The following TNN variants were observed in gnomAD, a reference collection of about 807,000 sequenced individuals.
The protein encoded by TNN is tenascin N, also known as tenascin-N.
Under a neutral mutation model 134.4 loss-of-function variants are expected in TNN, and 122 were observed. The observed-to-expected ratio is 0.91, with a 90% CI of 0.78 to 1.06. TNN has a LOEUF of 1.06. Among genes scored for constraint, TNN ranks in the 50% least tolerant of loss-of-function variants. TNN has a pLI of 0.00. For missense variants in TNN, 1,739 were observed against 1,699.4 expected, an observed-to-expected ratio of 1.02 and a Z score of -0.41; for synonymous variants, 710 against 670.3, an observed-to-expected ratio of 1.06 and a Z score of -0.91.
intron 1 of TNN, among the ~76,000 whole-genome samples, chr1:175,071,491 T>A (rs1039221600): frequency 6.6e-6 from 1 of 152,204 alleles, no homozygotes; most frequent in Non-Finnish European, 1.5e-5. Flanking sequence ...GGACTTAACC[T>A]CTATGTGAGG....
chr1:175,085,336 G>A (rs1441238714), intron 5 of TNN, 69 bp from the exon 6 acceptor site: 8 of 952,552 alleles, frequency 8.4e-6, no homozygotes, highest in Non-Finnish European at 1.3e-5. Context: ...GAAATCCCAG[G>A]GAGGAGTAGT....
At chr1:175,139,001 A>G (rs1487196093) in intron 17 of TNN, among the ~76,000 whole-genome samples, 1 of 152,216 alleles carries the variant, frequency 6.6e-6, no homozygotes, top group African/African-American at 2.4e-5. Context: ...AATATGGTAT[A>G]AAAGATAAAA....
intron 1 of TNN, among the ~76,000 whole-genome samples, chr1:175,073,589 G>A (rs1673968613): frequency 6.6e-6 from 1 of 152,202 alleles, no homozygotes; most frequent in Admixed American, 6.5e-5. Flanking sequence ...GGAACCTGCA[G>A]AGAAGCTGGA....
chr1:175,097,688 CAAAAGAGA>C lies in TNN; in HGVS notation c.1855+6_1855+13del. The C allele has an allele frequency of 6.2e-7, 1 of 1,613,458 alleles. No homozygotes were observed. Among genetic ancestry groups the C allele is most frequent in the Middle Eastern group, 1.7e-4 (1 of 6,060 alleles). Reference sequence around the variant, plus strand: ...CTGACACCAACGCCCCGACAGGTAACAAAAGAGAGATGGTCAATTGGAATTGAGTTTTA... The same window carrying C: ...CTGACACCAACGCCCCGACAGGTAACGATGGTCAATTGGAATTGAGTTTTA... On this transcript the variant is annotated splice_donor_region_variant and intron_variant, in intron 8 of 18. Coordinates refer to ENST00000239462, the MANE Select transcript of TNN (RefSeq NM_022093.2).
chr1:175,110,910 C>A (rs986596600), intron 9 of TNN, among the ~76,000 whole-genome samples: 1 of 152,102 alleles, frequency 6.6e-6, no homozygotes, highest in Non-Finnish European at 1.5e-5. Flanking sequence ...TGCAGTGGCT[C>A]ATGCCTGTAA....
chr1:175,094,064 C>A lies in TNN; in HGVS notation c.1399C>A (p.Gln467Lys). 1 of 1,614,156 alleles carries A rather than the reference C, an allele frequency of 6.2e-7. No homozygotes were observed. Reference sequence around the variant, plus strand: ...AGCAACTGTCTCCTGGGACCCAGTGCAGGCTGTCATAGACAAGTATGTAGT... The same window carrying A: ...AGCAACTGTCTCCTGGGACCCAGTGAAGGCTGTCATAGACAAGTATGTAGT... ...DTATVSWDPV[Q>K]AVIDKYVVRY... Residue 467 changes from glutamine to lysine, a missense_variant, in exon 7 of 19, where the codon CAG becomes AAG. Physicochemically the swap from Gln to Lys is moderately conservative, Grantham distance 53 (BLOSUM62 1). Coordinates refer to ENST00000239462, the MANE Select transcript of TNN (RefSeq NM_022093.2).
chr1:175,125,737 CTTTCTTTCTTTCTTTCTT>C (rs1183806146), intron 12 of TNN, among the ~76,000 whole-genome samples: 8 of 130,914 alleles, frequency 6.1e-5, no homozygotes, highest in East Asian at 2.3e-4. Flanking sequence ...TTCTTTCTTT[CTTTCTTTCTTTCTTTCTT>C]TCTCTCTCTC....
intron 1 of TNN, among the ~76,000 whole-genome samples, chr1:175,074,128 C>G (rs955870262): frequency 6.6e-6 from 1 of 152,154 alleles, no homozygotes; most frequent in African/African-American, 2.4e-5. Flanking sequence ...CTGCCACCCC[C>G]ACTAATTCAC....
At chr1:175,128,210 G>C in intron 14 of TNN, 46 bp downstream of exon 14, 7 of 1,524,380 alleles carry the variant, frequency 4.6e-6, no homozygotes, top group Non-Finnish European at 6.2e-6. Context: ...ATGAGAACCA[G>C]CACCGGAAAG....
intron 17 of TNN, among the ~76,000 whole-genome samples, chr1:175,139,531 A>G (rs1324258613): frequency 1.3e-5 from 2 of 152,202 alleles, no homozygotes; most frequent in Admixed American, 1.3e-4. Context: ...GAGCAATAGC[A>G]CACATGGAGC....
intron 6 of TNN, among the ~76,000 whole-genome samples, chr1:175,092,782 T>C (rs916094994): frequency 6.6e-6 from 1 of 152,174 alleles, no homozygotes; most frequent in Admixed American, 6.5e-5. Flanking sequence ...GGCCACTCCA[T>C]TTTGCAAATT....
chr1:175,146,929 A>C lies in TNN; in HGVS notation c.3760-2A>C. On this transcript the variant is annotated splice_acceptor_variant, in intron 18 of 18. Transcript: ENST00000239462. LOFTEE classifies it high-confidence loss of function. ...ATGTGGCTTTTTTTTTTTTTTTGGT[A>C]GGGGGTGAACTGGGAGCCTTGGAAA... The C allele has an allele frequency of 5.8e-6, 7 of 1,209,686 alleles. No homozygotes were observed. Among genetic ancestry groups the C allele is most frequent in the Admixed American group, 3.4e-5 (1 of 29,756 alleles). 74.9% of individuals were successfully genotyped at this position (1,209,686 alleles called of 1,614,324 possible). A position where few individuals can be genotyped will look rare whatever the true frequency, so the allele number is the denominator to read the frequency against.
chr1:175,095,225 C>T (rs6656523), intron 7 of TNN, among the ~76,000 whole-genome samples: 49,980 of 151,994 alleles, frequency 0.33, 8,429 homozygotes, highest in African/African-American at 0.4. Flanking sequence ...GCAGAGAAGA[C>T]ATTGACAGTA....
At chr1:175,118,473 A>C (rs999022273) in intron 10 of TNN, 88 bp from the exon 11 acceptor site, 1 of 1,496,604 alleles carries the variant, frequency 6.7e-7, no homozygotes, top group African/African-American at 1.4e-5. Flanking sequence ...CACAACATGA[A>C]AGGGTTTCAC....
At position 175,080,203 on chromosome 1, in the gene TNN, G is replaced by A. The variant is rs1674166866; in HGVS notation, c.825G>A (p.Glu275=). 6.2e-7 allele frequency: 1 copy of A among 1,614,070 alleles called. No individual in the cohort carries two copies. Among genetic ancestry groups the A allele is most frequent in the Non-Finnish European group, 8.5e-7 (1 of 1,179,998 alleles). Residue 275 remains glutamate, a synonymous_variant, in exon 4 of 19, where the codon GAG becomes GAA. Transcript: ENST00000239462. ...PQGLQLLKNT[E]DSLLVSWEPS... ...GCCTGCAGCTGCTCAAGAACACGGA[G>A]GATTCTCTGCTGGTGAGCTGGGAGC...
chr1:175,136,903 T>G lies in TNN; in HGVS notation c.3510T>G (p.Ser1170=). ...TGGATTTACAGACTGCCAATGAATC[T>G]GCCTATGCTATATATGATTTCTTCC... ...VRVDLQTANE[S]AYAIYDFFQV... The change falls in exon 17 of 19, where the codon TCT becomes TCG. Residue 1170 remains serine, a synonymous_variant. Coordinates refer to ENST00000239462, the MANE Select transcript of TNN (RefSeq NM_022093.2). 1 of 1,614,200 alleles carries G rather than the reference T, an allele frequency of 6.2e-7. No homozygotes were observed. Among genetic ancestry groups the G allele is most frequent in the Non-Finnish European group, 8.5e-7 (1 of 1,180,030 alleles).
intron 10 of TNN, among the ~76,000 whole-genome samples, chr1:175,118,098 C>T (rs1016582217): frequency 6.6e-6 from 1 of 152,218 alleles, no homozygotes; most frequent in Non-Finnish European, 1.5e-5. Flanking sequence ...ATGCTGCCCT[C>T]TTCCTCCAGG....
In TNN at chr1:175,080,363, G is replaced by A; in HGVS notation, c.985G>A (p.Val329Ile). 6.2e-7 allele frequency: 1 copy of A among 1,614,058 alleles called. No individual in the cohort carries two copies. The highest frequency in any genetic ancestry group is 8.5e-7 in the Non-Finnish European group (1 of 1,179,968). Reference protein sequence around the residue: ...LGLLPGTKYIVTLRNVKNEVS... With the variant: ...LGLLPGTKYIITLRNVKNEVS... ...TTTGCTGCCTGGAACCAAGTACATAGTCACCCTGCGTAACGTCAAGAATGA... is the reference window on the plus strand; with the variant it reads ...TTTGCTGCCTGGAACCAAGTACATAATCACCCTGCGTAACGTCAAGAATGA... The change falls in exon 4 of 19, where the codon GTC becomes ATC. Residue 329 changes from valine (V) to isoleucine (I), a missense_variant. By Grantham distance (29) the Val-to-Ile change is conservative. Transcript: ENST00000239462.
At position 175,080,267 on chromosome 1, in the gene TNN, C is replaced by A; in HGVS notation, c.889C>A (p.Pro297Thr). ...GGATCACTACCTCCTCAGCTACTAC[C>A]CCCTGGGGAAGGAGCTCTCTGGGAA... ...QVDHYLLSYY[P>T]LGKELSGKQI... The change falls in exon 4 of 19, where the codon CCC (proline) becomes ACC (threonine). Residue 297 changes from proline to threonine, a missense_variant. Pro to Thr is a conservative substitution (Grantham distance 38, BLOSUM62 -1). Transcript: ENST00000239462. 1 of 1,614,114 alleles carries A rather than the reference C, an allele frequency of 6.2e-7. No individual in the cohort carries two copies. The highest frequency in any genetic ancestry group is 8.5e-7 in the Non-Finnish European group (1 of 1,180,012).
Sources: gnomAD v4.1 joint callset for allele counts (sites outside exome capture counted in the v4.1 genomes callset) on GRCh38, gnomAD v4.1.1 for gene constraint, MANE v1.5 for transcripts, NCBI Gene and HGNC (gene_info 2026-07-23, HGNC 2026-07-21) for gene names.